Variants in CFAP44 observed in about 807,000 individuals in gnomAD.
CFAP44 encodes the protein cilia- and flagella-associated protein 44.
A neutral mutation model predicts 216.2 loss-of-function variants in CFAP44; 134 were observed. The ratio of observed to expected loss-of-function variants is 0.62; its 90% CI spans 0.54 to 0.72. The LOEUF is 0.72. Ranked by LOEUF, CFAP44 falls within the 30% of genes least tolerant of loss-of-function variation. The pLI, the probability that CFAP44 is intolerant of heterozygous loss-of-function variation, is 0.00. For missense variants in CFAP44, 2,035 were observed against 2,182.1 expected, an observed-to-expected ratio of 0.93 and a Z score of 1.34; for synonymous variants, 700 against 727.6, an observed-to-expected ratio of 0.96 and a Z score of 0.61.
chr3:113,404,278 GTATGTATACAA>G (rs1934216847), intron 8 of CFAP44, among the ~76,000 whole-genome samples: 1 of 152,124 alleles, frequency 6.6e-6, no homozygotes, highest in Non-Finnish European at 1.5e-5. Flanking sequence ...AATTGTTCAT[GTATGTATACAA>G]TAGACTTCTT....
intron 1 of CFAP44, among the ~76,000 whole-genome samples, chr3:113,436,430 G>A (rs1559950503): frequency 1.3e-5 from 2 of 152,230 alleles, no homozygotes; most frequent in South Asian, 4.1e-4. Context: ...CATTGCAGAG[G>A]ATACAAAGGT....
chr3:113,340,710 G>T (rs1295033574), intron 24 of CFAP44, among the ~76,000 whole-genome samples: 3 of 152,206 alleles, frequency 2.0e-5, no homozygotes, highest in African/African-American at 7.2e-5. Flanking sequence ...TGTCTTACAG[G>T]ATGCTCTCTT....
intron 21 of CFAP44, chr3:113,360,603 T>C (rs1366035903): frequency 6.1e-6 from 1 of 162,624 alleles, no homozygotes; most frequent in African/African-American, 2.4e-5. Context: ...AAAAAAGTTG[T>C]GGAATATGTT....
chr3:113,426,285 A>G lies in CFAP44; in HGVS notation c.254-8T>C, dbSNP rs558470779. On this transcript the variant is annotated splice_polypyrimidine_tract_variant and splice_region_variant and intron_variant, in intron 3 of 34. Coordinates refer to ENST00000393845, the MANE Select transcript of CFAP44 (RefSeq NM_001164496.2). ...CAGGGGTTTGCTGAGGTACTAAAAA[A>G]ATAAAATAATTTAAGAAGAGTGATA... The G allele has an allele frequency of 1.2e-6, 2 of 1,611,766 alleles. No individual in the cohort carries two copies. The highest frequency in any genetic ancestry group is 2.7e-5 in the African/African-American group (2 of 74,738).
chr3:113,403,831 C>T (rs913726054), intron 9 of CFAP44, 21 bp downstream of exon 9: 1 of 1,606,872 alleles, frequency 6.2e-7, no homozygotes. Flanking sequence ...GTGCTACCAT[C>T]CAAGTATCGA....
In CFAP44 at chr3:113,291,589, G is replaced by A. The variant is rs371164920; in HGVS notation, c.5533C>T (p.Arg1845Ter). The A allele has an allele frequency of 4.2e-4, 641 of 1,537,194 alleles. 13 individuals carry two copies. In the South Asian group the frequency reaches 7.1e-3, roughly 17 times the overall value. The change falls in exon 35 of 35, where the codon CGA becomes TGA. Residue 1845 changes from arginine (R) to a stop codon, truncating the protein, a stop_gained. Coordinates refer to ENST00000393845, the MANE Select transcript of CFAP44 (RefSeq NM_001164496.2). LOFTEE classifies it low-confidence loss of function (END_TRUNC). The part of the protein sequence containing the change: ...SLILPPIQSP[R>*]EKEIQPADL ...TCTGCGGGCTGTATCTCTTTCTCTC[G>A]TGGAGACTGAATGGGTGGGAGGATA... is the stretch of plus-strand genomic sequence containing the variant.
At chr3:113,296,614 C>T (rs1949883565) in intron 33 of CFAP44, 111 bp downstream of exon 33, 2 of 1,280,672 alleles carry the variant, frequency 1.6e-6, no homozygotes, top group Non-Finnish European at 2.1e-6. Context: ...AAAGGGGGCT[C>T]GCGGACCAGC....
intron 13 of CFAP44, among the ~76,000 whole-genome samples, chr3:113,397,813 T>A (rs1199863566): frequency 6.6e-6 from 1 of 152,072 alleles, no homozygotes; most frequent in Non-Finnish European, 1.5e-5. Context: ...TGGTTTGTAG[T>A]TGCTATTGTT....
At chr3:113,354,589 G>T (rs1250038738) in intron 22 of CFAP44, among the ~76,000 whole-genome samples, 1 of 151,990 alleles carries the variant, frequency 6.6e-6, no homozygotes. Flanking sequence ...TAACTCTATT[G>T]GACTGGGATC....
At chr3:113,422,802 T>C (rs1181596430) in intron 4 of CFAP44, among the ~76,000 whole-genome samples, 4 of 152,242 alleles carry the variant, frequency 2.6e-5, no homozygotes, top group Non-Finnish European at 5.9e-5. Flanking sequence ...CTACTTTAGA[T>C]GAAAATTAGG....
chr3:113,314,280 A>G (rs1950067384), intron 28 of CFAP44, among the ~76,000 whole-genome samples: 1 of 152,244 alleles, frequency 6.6e-6, no homozygotes, highest in South Asian at 2.1e-4. Flanking sequence ...GAAAGCATCA[A>G]CAGAAAAGTG....
intron 26 of CFAP44, among the ~76,000 whole-genome samples, chr3:113,329,340 GGAAGGAAGTCATTACTGGTA>G (rs1950220780): frequency 6.6e-6 from 1 of 152,122 alleles, no homozygotes; most frequent in Non-Finnish European, 1.5e-5. Context: ...CATTACTGGT[GGAAGGAAGTCATTACTGGTA>G]GAAGGAAACA....
intron 26 of CFAP44, among the ~76,000 whole-genome samples, chr3:113,329,578 G>T (rs1398331321): frequency 6.6e-6 from 1 of 152,156 alleles, no homozygotes; most frequent in African/African-American, 2.4e-5. Context: ...ACAGCAGAGA[G>T]TTATCTATCC....
intron 15 of CFAP44, among the ~76,000 whole-genome samples, chr3:113,389,562 C>G (rs964198802): frequency 6.6e-6 from 1 of 151,622 alleles, no homozygotes; most frequent in East Asian, 1.9e-4. Context: ...AAAAGATCAA[C>G]AAATTAAAAA....
chr3:113,432,749 T>C, intron 2 of CFAP44, among the ~76,000 whole-genome samples: 1 of 152,246 alleles, frequency 6.6e-6, no homozygotes, highest in East Asian at 1.9e-4. Flanking sequence ...AAGAATGTAT[T>C]ATTTTATTTC....
intron 19 of CFAP44, among the ~76,000 whole-genome samples, chr3:113,365,635 ACCCCTAT>A (rs1950579897): frequency 6.6e-6 from 1 of 152,140 alleles, no homozygotes; most frequent in Non-Finnish European, 1.5e-5. Context: ...TATTTTTGCA[ACCCCTAT>A]CAAAACCACA....
chr3:113,407,118 C>A (rs1934306552), intron 7 of CFAP44, 77 bp from the exon 8 acceptor site: 4 of 1,074,930 alleles, frequency 3.7e-6, no homozygotes, highest in East Asian at 2.4e-5. Context: ...CAAACATTTA[C>A]ATATTTCATA....
At chr3:113,315,768 A>T (rs1950080415) in intron 28 of CFAP44, among the ~76,000 whole-genome samples, 2 of 152,242 alleles carry the variant, frequency 1.3e-5, no homozygotes, top group South Asian at 4.1e-4. Flanking sequence ...TATGTTCAAT[A>T]AATTATATGA....
chr3:113,305,156 T>C lies in CFAP44; in HGVS notation c.4759-4A>G, dbSNP rs1221849603. The C allele has an allele frequency of 2.6e-6, 4 of 1,536,536 alleles. No homozygotes were observed. In the African/African-American group the frequency reaches 5.5e-5, roughly 21 times the overall value. On this transcript the variant is annotated splice_region_variant and splice_polypyrimidine_tract_variant and intron_variant, in intron 30 of 34. Transcript: ENST00000393845. ...GATTAGTTGCCACAATTTTCACCTG[T>C]AGAAAGCCCCGTGTTGTGAAATGGT...
Sources: gnomAD v4.1 joint callset for allele counts (sites outside exome capture counted in the v4.1 genomes callset) on GRCh38, gnomAD v4.1.1 for gene constraint, MANE v1.5 for transcripts, NCBI Gene and HGNC (gene_info 2026-07-23, HGNC 2026-07-21) for gene names.